Variants in STXBP4 observed in about 807,000 individuals in gnomAD.
STXBP4 encodes the protein syntaxin binding protein 4, also known as syntaxin-binding protein 4.
Under a neutral mutation model 76.1 loss-of-function variants are expected in STXBP4, and 55 were observed. The ratio of observed to expected loss-of-function variants is 0.72; its 90% CI spans 0.58 to 0.91. The LOEUF (loss-of-function observed/expected upper bound fraction) is 0.91. Among genes scored for constraint, STXBP4 ranks in the 40% least tolerant of loss-of-function variants. The pLI is 0.00. For missense variants in STXBP4, 618 were observed against 636.9 expected, an observed-to-expected ratio of 0.97 and a Z score of 0.32; for synonymous variants, 201 against 220.2, an observed-to-expected ratio of 0.91 and a Z score of 0.77.
intron 11 of STXBP4, among the ~76,000 whole-genome samples, chr17:55,045,228 ATTTCT>A (rs1203870732): frequency 1.3e-5 from 2 of 152,168 alleles, no homozygotes; most frequent in African/African-American, 4.8e-5. Context: ...TATTTTATAT[ATTTCT>A]TTTCTTACCT....
At chr17:54,974,141 T>G (rs2144274948) in intron 1 of STXBP4, among the ~76,000 whole-genome samples, 1 of 152,290 alleles carries the variant, frequency 6.6e-6, no homozygotes, top group African/African-American at 2.4e-5. Flanking sequence ...TTTCTAGTGG[T>G]TTTCCTGATA....
At chr17:55,043,142 C>A in intron 10 of STXBP4, 94 bp from the exon 11 acceptor site, 2 of 519,288 alleles carry the variant, frequency 3.9e-6, no homozygotes, top group Non-Finnish European at 6.2e-6. Context: ...TATTAGAATA[C>A]AGAAGCCTAA....
intron 1 of STXBP4, among the ~76,000 whole-genome samples, chr17:54,982,962 A>T (rs556888305): frequency 6.6e-6 from 1 of 152,338 alleles, no homozygotes; most frequent in Admixed American, 6.5e-5. Context: ...AGCAAGAAAG[A>T]GCAGGGTTCA....
chr17:55,141,195 A>G, intron 16 of STXBP4, 115 bp from the exon 17 acceptor site: 1 of 851,880 alleles, frequency 1.2e-6, no homozygotes, highest in South Asian at 1.6e-5. Context: ...CTAGAAAATT[A>G]TTTTGTATAA....
the STXBP4 span, among the ~76,000 whole-genome samples, chr17:55,205,458 T>C: frequency 6.6e-6 from 1 of 151,994 alleles, no homozygotes; most frequent in African/African-American, 2.4e-5. Flanking sequence ...ATATAAAACT[T>C]GTATAGGGCA....
intron 4 of STXBP4, among the ~76,000 whole-genome samples, chr17:54,992,041 C>G (rs765254551): frequency 5.8e-4 from 88 of 152,068 alleles, no homozygotes; most frequent in Admixed American, 9.8e-4. Flanking sequence ...CCAATAACTT[C>G]CAAAATAGTT....
chr17:55,018,708 G>T (rs912832094), intron 8 of STXBP4, among the ~76,000 whole-genome samples: 28 of 152,296 alleles, frequency 1.8e-4, no homozygotes, highest in African/African-American at 6.3e-4. Context: ...GCAATGTTTT[G>T]GGGGCAGGGG....
At chr17:55,064,741 C>A (rs181543072) in intron 12 of STXBP4, among the ~76,000 whole-genome samples, 2 of 152,028 alleles carry the variant, frequency 1.3e-5, no homozygotes, top group South Asian at 2.1e-4. Flanking sequence ...CGTGACCTTG[C>A]GATCCACCCA....
intron 16 of STXBP4, among the ~76,000 whole-genome samples, chr17:55,106,335 T>C (rs181126727): frequency 4.3e-4 from 65 of 152,262 alleles, no homozygotes; most frequent in Admixed American, 1.2e-3. Context: ...TCCATCCCTT[T>C]ATTTTGAGCC....
At chr17:55,009,647 C>T (rs1451052976) in intron 8 of STXBP4, among the ~76,000 whole-genome samples, 1 of 152,120 alleles carries the variant, frequency 6.6e-6, no homozygotes, top group Non-Finnish European at 1.5e-5. Context: ...GCCAGTTTTA[C>T]ATCAAAGAAA....
intron 12 of STXBP4, among the ~76,000 whole-genome samples, chr17:55,060,479 G>A (rs1567743022): frequency 6.6e-6 from 1 of 151,986 alleles, no homozygotes; most frequent in South Asian, 2.1e-4. Flanking sequence ...TGAAGATCTT[G>A]ACACCAAGTT....
intron 17 of STXBP4, among the ~76,000 whole-genome samples, chr17:55,151,642 A>G (rs2145176393): frequency 6.6e-6 from 1 of 152,288 alleles, no homozygotes; most frequent in South Asian, 2.1e-4. Context: ...TAAAAATTCC[A>G]GTGTGGTAAA....
intron 16 of STXBP4, among the ~76,000 whole-genome samples, chr17:55,114,836 G>T (rs186957535): frequency 6.6e-6 from 1 of 151,918 alleles, no homozygotes; most frequent in African/African-American, 2.4e-5. Flanking sequence ...GGCCCTTTGG[G>T]TATGACAATC....
At chr17:55,005,000 C>T (rs1052242893) in intron 7 of STXBP4, among the ~76,000 whole-genome samples, 7 of 152,056 alleles carry the variant, frequency 4.6e-5, no homozygotes, top group Admixed American at 1.3e-4. Context: ...TATACACAGA[C>T]CCTCTTAAGG....
chr17:55,169,590 ATG>A lies in STXBP4; in HGVS notation c.*9685_*9686del, dbSNP rs1259113341. ...TACTAAAGACGCTTAGATGTGAAAA[ATG>A]TGTGTCTTAGAATCGATAAAATATG... is the stretch of plus-strand genomic sequence containing the variant. On this transcript the variant is annotated 3_prime_UTR_variant, in exon 18 of 18. Transcript: ENST00000376352. 1 of 152,230 alleles carries A rather than the reference ATG, an allele frequency of 6.6e-6. No homozygotes were observed. The highest frequency in any genetic ancestry group is 2.4e-5 in the African/African-American group (1 of 41,454). The allele number at this position is 152,230 out of a possible 1,614,324, so 9.4% of individuals were successfully genotyped here.
At chr17:55,089,918 C>A (rs1439377151) in intron 16 of STXBP4, among the ~76,000 whole-genome samples, 2 of 151,974 alleles carry the variant, frequency 1.3e-5, no homozygotes, top group Admixed American at 6.6e-5. Flanking sequence ...CAAAATAGGG[C>A]AAAAATCTTC....
chr17:55,180,582 G>C, the STXBP4 span, among the ~76,000 whole-genome samples: 2 of 152,178 alleles, frequency 1.3e-5, no homozygotes, highest in African/African-American at 4.8e-5. Context: ...ACAATTTAGA[G>C]ATGAGGAAAT....
In STXBP4 at chr17:55,034,351, A is replaced by G. The variant is rs1349884680; in HGVS notation, c.855+92A>G. On this transcript the variant is annotated intron_variant, in intron 10 of 17. Coordinates refer to ENST00000376352, the MANE Select transcript of STXBP4 (RefSeq NM_178509.6). Reference sequence around the variant, plus strand: ...ATGTGTAGGCTTTTTTCACTTAAAAATAGAAATAATACATGTTTCTTGGAT... The same window carrying G: ...ATGTGTAGGCTTTTTTCACTTAAAAGTAGAAATAATACATGTTTCTTGGAT... The G allele has an allele frequency of 5.7e-6, 4 of 700,648 alleles. No homozygotes were observed. The Admixed American group carries it at 1.1e-4, about 20-fold the overall frequency. The allele number at this position is 700,648 out of a possible 1,614,324, so 43.4% of individuals were successfully genotyped here.
intron 11 of STXBP4, chr17:55,043,728 C>G (rs1397750434): frequency 3.0e-5 from 38 of 1,276,242 alleles, no homozygotes; most frequent in Non-Finnish European, 1.2e-5. Context: ...TAAGGGACAT[C>G]ATGTTTTGCT....
Sources: gnomAD v4.1 joint callset for allele counts (sites outside exome capture counted in the v4.1 genomes callset) on GRCh38, gnomAD v4.1.1 for gene constraint, MANE v1.5 for transcripts, NCBI Gene and HGNC (gene_info 2026-07-23, HGNC 2026-07-21) for gene names.